GALNTL6: variants seen among roughly 807,000 people sequenced by gnomAD.
The protein encoded by GALNTL6 is polypeptide N-acetylgalactosaminyltransferase-like 6.
GALNTL6 carries 46 observed loss-of-function variants against 73.7 expected under a neutral mutation model. That is an observed-to-expected ratio of 0.62 (90% CI 0.49 to 0.80). The LOEUF is 0.80. Ranked by LOEUF, GALNTL6 falls within the 30% of genes least tolerant of loss-of-function variation. The pLI is 0.00. For missense variants in GALNTL6, 604 were observed against 755.0 expected (o/e 0.80, Z 2.34); for synonymous variants, 259 against 263.7 (o/e 0.98, Z 0.17).
intron 2 of GALNTL6, among the ~76,000 whole-genome samples, chr4:171,872,897 C>G (rs1278916466): frequency 1.3e-5 from 2 of 152,124 alleles, no homozygotes; most frequent in South Asian, 2.1e-4. Context: ...CCATAACGCT[C>G]TCTACATCTG....
rs77753500 is a variant in GALNTL6 at position 172,674,923 on chromosome 4, C to T, written c.554-134438C>T. On this transcript the variant is annotated intron_variant, in intron 5 of 12. Transcript: ENST00000506823. ...CCTTGCACTGGGTTTCAACATACTCCTATAGCTTAATGATCTTCATTCCTA... is the reference window on the plus strand; with the variant it reads ...CCTTGCACTGGGTTTCAACATACTCTTATAGCTTAATGATCTTCATTCCTA... Among the ~76,000 whole-genome samples, 31 of 152,292 alleles carry T rather than the reference C, an allele frequency of 2.0e-4. No homozygotes were observed. The East Asian group carries it at 5.0e-3, about 25-fold the overall frequency.
At chr4:172,423,236 A>T (rs1251794395) in intron 5 of GALNTL6, among the ~76,000 whole-genome samples, 2 of 152,048 alleles carry the variant, frequency 1.3e-5, no homozygotes, top group Non-Finnish European at 2.9e-5. Flanking sequence ...CCTTTCTAGT[A>T]GCCAAAGTGG....
chr4:172,710,436 A>C (rs559488775), intron 5 of GALNTL6, among the ~76,000 whole-genome samples: 21 of 152,298 alleles, frequency 1.4e-4, no homozygotes, highest in African/African-American at 5.1e-4. Flanking sequence ...ATACAATGAA[A>C]TATCATGGAA....
intron 5 of GALNTL6, among the ~76,000 whole-genome samples, chr4:172,349,070 A>G (rs1262091704): frequency 6.6e-6 from 1 of 152,130 alleles, no homozygotes; most frequent in African/African-American, 2.4e-5. Context: ...TATCTACTCT[A>G]TTATTTACCA....
chr4:172,429,329 A>G (rs1461330106), intron 5 of GALNTL6, among the ~76,000 whole-genome samples: 1 of 151,886 alleles, frequency 6.6e-6, no homozygotes, highest in Admixed American at 6.6e-5. Context: ...CTCCTGCCTC[A>G]GCCTCCAGAG....
intron 5 of GALNTL6, among the ~76,000 whole-genome samples, chr4:172,400,285 C>A (rs1005529147): frequency 3.3e-5 from 5 of 152,110 alleles, no homozygotes; most frequent in African/African-American, 9.7e-5. Context: ...ACCTACATTA[C>A]AATACTACTA....
chr4:172,398,918 G>T (rs994944540), intron 5 of GALNTL6, among the ~76,000 whole-genome samples: 2 of 151,818 alleles, frequency 1.3e-5, no homozygotes, highest in Non-Finnish European at 2.9e-5. Flanking sequence ...CACTGAAAAG[G>T]TTATGGTGCC....
intron 5 of GALNTL6, among the ~76,000 whole-genome samples, chr4:172,606,676 CTATATATATAGTATATATATATAGTGTG>C (rs1481922247): frequency 0.014 from 626 of 43,680 alleles, 4 homozygotes; most frequent in African/African-American, 0.028. Flanking sequence ...TATATATATA[CTATATATATAGTATATATATATAGTGTG>C]TATATATATA....
chr4:171,923,490 T>A (rs921181639), intron 2 of GALNTL6, among the ~76,000 whole-genome samples: 3 of 148,400 alleles, frequency 2.0e-5, no homozygotes, highest in Non-Finnish European at 3.0e-5. Flanking sequence ...CTCAGCCTCC[T>A]GGGTTCACGC....
intron 2 of GALNTL6, among the ~76,000 whole-genome samples, chr4:172,154,777 T>A (rs1161233301): frequency 6.6e-6 from 1 of 152,162 alleles, no homozygotes. Context: ...CTGTGAAAGA[T>A]CTGGTGGAAA....
At chr4:172,782,879 A>G (rs1460144209) in intron 5 of GALNTL6, among the ~76,000 whole-genome samples, 1 of 152,126 alleles carries the variant, frequency 6.6e-6, no homozygotes, top group African/African-American at 2.4e-5. Context: ...ATTTCAGAAA[A>G]GAAGTACAGT....
chr4:172,356,290 A>C (rs1261577215), intron 5 of GALNTL6, among the ~76,000 whole-genome samples: 2 of 152,222 alleles, frequency 1.3e-5, no homozygotes, highest in Non-Finnish European at 2.9e-5. Flanking sequence ...TTGGGCAGGC[A>C]TAACTTTCTT....
intron 4 of GALNTL6, among the ~76,000 whole-genome samples, chr4:172,335,631 T>C (rs1465373103): frequency 6.6e-6 from 1 of 152,226 alleles, no homozygotes; most frequent in Non-Finnish European, 1.5e-5. Flanking sequence ...GAACTTGATA[T>C]TGGTCCTTTC....
intron 5 of GALNTL6, among the ~76,000 whole-genome samples, chr4:172,401,518 T>TC (rs1299133739): frequency 6.6e-6 from 1 of 152,142 alleles, no homozygotes; most frequent in African/African-American, 2.4e-5. Context: ...ATAAAAAATT[T>TC]CCCAGTCACT....
At chr4:172,347,389 T>C (rs915653716) in intron 4 of GALNTL6, among the ~76,000 whole-genome samples, 2 of 152,212 alleles carry the variant, frequency 1.3e-5, no homozygotes, top group Non-Finnish European at 2.9e-5. Flanking sequence ...TAAAAAACAA[T>C]TGGCTTCATT....
At chr4:172,288,631 GT>G (rs1003393045) in intron 3 of GALNTL6, among the ~76,000 whole-genome samples, 39 of 152,094 alleles carry the variant, frequency 2.6e-4, no homozygotes, top group African/African-American at 8.9e-4. Flanking sequence ...AAGCATATAT[GT>G]TTTCATGTGT....
rs1463558949 is a variant in GALNTL6, at chr4:171,879,394, C to A, written c.138+64676C>A. ...TTTTTCTACATTTTTATAGAACCTG[C>A]ACGTTCTATACAATCTGCAAATTCT... is the stretch of plus-strand genomic sequence containing the variant. On this transcript the variant is annotated intron_variant, in intron 2 of 12. Coordinates refer to ENST00000506823, the MANE Select transcript of GALNTL6 (RefSeq NM_001034845.3). Among the ~76,000 whole-genome samples, 9 of 152,186 alleles carry A rather than the reference C, an allele frequency of 5.9e-5. 1 individual carries two copies. The East Asian group carries it at 1.5e-3, about 26-fold the overall frequency.
At chr4:171,846,943 A>ATTATATGTAATTATATATGAATATAG (rs869171604) in intron 2 of GALNTL6, among the ~76,000 whole-genome samples, 25 of 33,872 alleles carry the variant, frequency 7.4e-4, no homozygotes, top group African/African-American at 1.7e-3. Context: ...TATACATATA[A>ATTATATGTAATTATATATGAATATAG]TTATATGTAA....
chr4:171,955,141 C>T (rs1739003951), intron 2 of GALNTL6, among the ~76,000 whole-genome samples: 1 of 151,984 alleles, frequency 6.6e-6, no homozygotes, highest in Non-Finnish European at 1.5e-5. Flanking sequence ...GGCTGAGGAC[C>T]TCTTGTGTAA....
Sources: allele counts gnomAD v4.1 joint callset (sites outside exome capture counted in the v4.1 genomes callset), GRCh38; gene constraint gnomAD v4.1.1; transcripts MANE v1.5; gene names NCBI Gene and HGNC (gene_info 2026-07-23, HGNC 2026-07-21).